The following AFF3 variants were observed in gnomAD, a reference collection of about 807,000 sequenced individuals.
The protein encoded by AFF3 is AF4/FMR2 family member 3.
In AFF3, 32 loss-of-function variants were observed where a neutral mutation model predicts 129.7. That is an observed-to-expected ratio of 0.25 (90% CI 0.19 to 0.33). AFF3 has a LOEUF of 0.33. AFF3 is among the 10% of genes least tolerant of loss of function. The pLI is 1.00. For missense variants in AFF3, 1,373 were observed against 1,592.0 expected, an observed-to-expected ratio of 0.86 and a Z score of 2.34; for synonymous variants, 644 against 635.4, an observed-to-expected ratio of 1.01 and a Z score of -0.20.
chr2:100,070,331 G>A (rs983533503), intron 4 of AFF3, among the ~76,000 whole-genome samples: 6 of 149,680 alleles, frequency 4.0e-5, no homozygotes, highest in East Asian at 1.9e-4. Flanking sequence ...GATTAAAACC[G>A]TCTGACTAAC....
chr2:99,846,779 G>T (rs1258000838), intron 7 of AFF3, among the ~76,000 whole-genome samples: 1 of 152,176 alleles, frequency 6.6e-6, no homozygotes, highest in African/African-American at 2.4e-5. Context: ...TTTTATTTAA[G>T]CATTTTGCTA....
intron 8 of AFF3, among the ~76,000 whole-genome samples, chr2:99,802,567 G>A (rs1233304092): frequency 6.6e-6 from 1 of 152,138 alleles, no homozygotes; most frequent in Non-Finnish European, 1.5e-5. Context: ...GGAGGCTGAG[G>A]CAAGAGGGTC....
chr2:99,982,460 T>C (rs115205427), intron 7 of AFF3, among the ~76,000 whole-genome samples: 2,133 of 152,358 alleles, frequency 0.014, 61 homozygotes, highest in African/African-American at 0.049. Context: ...CTCTTCGTTT[T>C]TGGAAATTGC....
chr2:99,586,214 A>C (rs547085868), intron 16 of AFF3, among the ~76,000 whole-genome samples: 1 of 152,296 alleles, frequency 6.6e-6, no homozygotes, highest in African/African-American at 2.4e-5. Flanking sequence ...CCCCTTTCCC[A>C]ATATTTTGGG....
intron 7 of AFF3, among the ~76,000 whole-genome samples, chr2:99,886,553 C>T (rs1693127018): frequency 6.6e-6 from 1 of 152,168 alleles, no homozygotes; most frequent in Non-Finnish European, 1.5e-5. Flanking sequence ...CTGCCTCCCC[C>T]TCCATGCTAC....
intron 24 of AFF3, among the ~76,000 whole-genome samples, chr2:99,552,220 T>C (rs1000267500): frequency 3.9e-4 from 59 of 152,092 alleles, no homozygotes; most frequent in African/African-American, 1.4e-3. Context: ...ACCCTGTCTC[T>C]ACTAAAGATA....
At chr2:99,561,151 T>C (rs967157052) in intron 20 of AFF3, among the ~76,000 whole-genome samples, 1 of 152,240 alleles carries the variant, frequency 6.6e-6, no homozygotes, top group African/African-American at 2.4e-5. Flanking sequence ...AAGTTGTAAG[T>C]GCTTAGACAA....
intron 7 of AFF3, among the ~76,000 whole-genome samples, chr2:99,982,584 C>T (rs1679507457): frequency 6.6e-6 from 1 of 152,118 alleles, no homozygotes; most frequent in African/African-American, 2.4e-5. Context: ...CTTAGGCAAC[C>T]ACAGACACTA....
rs939070363 is a variant in AFF3 at position 99,742,494 on chromosome 2, A to G, written c.1039+1610T>C. 3.9e-4 allele frequency among the ~76,000 whole-genome samples: 60 copies of G among 152,338 alleles called. 1 individual carries two copies. Among genetic ancestry groups the G allele is most frequent in the African/African-American group, 1.4e-3 (57 of 41,588 alleles). On this transcript the variant is annotated intron_variant, in intron 10 of 24. Coordinates refer to ENST00000672756, the MANE Select transcript of AFF3 (RefSeq NM_001386135.1). ...TTGTAGAAGAAGCATCCGTTTTTAT[A>G]GAATCTAAATTGCAGTGAATATTAT...
At chr2:100,060,498 T>C (rs1035477557) in intron 4 of AFF3, among the ~76,000 whole-genome samples, 1 of 152,212 alleles carries the variant, frequency 6.6e-6, no homozygotes, top group Non-Finnish European at 1.5e-5. Flanking sequence ...TTCTGAAAGA[T>C]GGTCACAGGT....
intron 11 of AFF3, among the ~76,000 whole-genome samples, chr2:99,723,020 C>T (rs1265246921): frequency 6.6e-6 from 1 of 152,166 alleles, no homozygotes; most frequent in Non-Finnish European, 1.5e-5. Flanking sequence ...TTTAGTTAGA[C>T]TATGAATAGT....
intron 4 of AFF3, among the ~76,000 whole-genome samples, chr2:100,058,224 C>A (rs1220788782): frequency 6.6e-6 from 1 of 152,160 alleles, no homozygotes; most frequent in Non-Finnish European, 1.5e-5. Context: ...GAAATTGAGG[C>A]TCAGAGGAAG....
intron 7 of AFF3, among the ~76,000 whole-genome samples, chr2:99,885,014 C>T (rs1167662734): frequency 6.6e-6 from 1 of 152,184 alleles, no homozygotes; most frequent in African/African-American, 2.4e-5. Flanking sequence ...TCCTCTACTG[C>T]CACGTGAATC....
chr2:99,682,172 G>A (rs1488703025), intron 11 of AFF3, among the ~76,000 whole-genome samples: 1 of 152,048 alleles, frequency 6.6e-6, no homozygotes, highest in African/African-American at 2.4e-5. Flanking sequence ...CTCCCAAAGT[G>A]CTGGGATTAC....
chr2:99,601,958 C>T (rs1369574307), intron 13 of AFF3, among the ~76,000 whole-genome samples: 9 of 152,198 alleles, frequency 5.9e-5, no homozygotes, highest in Admixed American at 5.9e-4. Context: ...TTTTCAAATG[C>T]ATCCCCAAAT....
intron 2 of AFF3, among the ~76,000 whole-genome samples, chr2:100,110,724 G>A (rs948676512): frequency 6.6e-6 from 1 of 152,220 alleles, no homozygotes; most frequent in African/African-American, 2.4e-5. Flanking sequence ...CACCTCTTCA[G>A]GAGCTTAAGA....
chr2:100,123,100 G>C (rs923822807), intron 2 of AFF3, among the ~76,000 whole-genome samples: 5 of 152,190 alleles, frequency 3.3e-5, no homozygotes, highest in Non-Finnish European at 7.3e-5. Context: ...AGAATGAGAA[G>C]AAAACCTTAG....
chr2:99,896,314 C>G (rs1440779205), intron 7 of AFF3, among the ~76,000 whole-genome samples: 1 of 152,076 alleles, frequency 6.6e-6, no homozygotes, highest in East Asian at 1.9e-4. Context: ...CTACTACTAT[C>G]AGGGACCTCT....
In AFF3 at chr2:99,587,327, T is replaced by C. The variant is rs748708393; in HGVS notation, c.2467-49A>G. The C allele has an allele frequency of 8.1e-6, 13 of 1,607,442 alleles. No individual in the cohort carries two copies. In the South Asian group the frequency reaches 1.4e-4, roughly 18 times the overall value. On this transcript the variant is annotated intron_variant, in intron 15 of 24. Coordinates refer to ENST00000672756, the MANE Select transcript of AFF3 (RefSeq NM_001386135.1). ...AATCAGCACTGGATTTCAAGAGGTA[T>C]TATGAGTTCCCAGGCACCGACTTCC...
Sources: allele counts gnomAD v4.1 joint callset (sites outside exome capture counted in the v4.1 genomes callset), GRCh38; gene constraint gnomAD v4.1.1; transcripts MANE v1.5; gene names NCBI Gene and HGNC (gene_info 2026-07-23, HGNC 2026-07-21).